Variants in SLC22A3 observed in about 807,000 individuals in gnomAD.
The protein encoded by SLC22A3 is EMT organic cation transporter 3.
A neutral mutation model predicts 59.1 loss-of-function variants in SLC22A3; 51 were observed. The observed-to-expected ratio is 0.86, with a 90% CI of 0.69 to 1.09. The LOEUF is 1.09. Among genes scored for constraint, SLC22A3 ranks in the 50% least tolerant of loss-of-function variants. SLC22A3 has a pLI of 0.00. For missense variants in SLC22A3, 711 were observed against 726.3 expected (o/e 0.98, Z 0.24); for synonymous variants, 325 against 292.0 (o/e 1.11, Z -1.15).
At chr6:160,376,605 G>T (rs1250464484) in intron 1 of SLC22A3, among the ~76,000 whole-genome samples, 1 of 152,160 alleles carries the variant, frequency 6.6e-6, no homozygotes, top group Non-Finnish European at 1.5e-5. Context: ...ATCTACCTGT[G>T]TATTTATTCA....
intron 5 of SLC22A3, among the ~76,000 whole-genome samples, chr6:160,431,019 A>G (rs1040996053): frequency 6.6e-6 from 1 of 152,250 alleles, no homozygotes; most frequent in Non-Finnish European, 1.5e-5. Flanking sequence ...GGTGGTGGTT[A>G]TAAGACTATA....
At chr6:160,379,588 C>T (rs749423683) in intron 1 of SLC22A3, among the ~76,000 whole-genome samples, 1 of 152,158 alleles carries the variant, frequency 6.6e-6, no homozygotes, top group Non-Finnish European at 1.5e-5. Flanking sequence ...CTTTTTAGTA[C>T]TTACCATTAT....
chr6:160,385,172 G>A (rs1210440969), intron 1 of SLC22A3, among the ~76,000 whole-genome samples: 1 of 152,182 alleles, frequency 6.6e-6, no homozygotes, highest in Non-Finnish European at 1.5e-5. Flanking sequence ...CAGGTTTTTA[G>A]TTACTTCTTG....
intron 1 of SLC22A3, among the ~76,000 whole-genome samples, chr6:160,352,986 A>G (rs1373886248): frequency 6.6e-6 from 1 of 152,028 alleles, no homozygotes; most frequent in Non-Finnish European, 1.5e-5. Flanking sequence ...GCGCCTGGCT[A>G]ATTTTTGTAT....
At chr6:160,367,839 C>T (rs561361123) in intron 1 of SLC22A3, among the ~76,000 whole-genome samples, 2 of 152,280 alleles carry the variant, frequency 1.3e-5, no homozygotes, top group African/African-American at 4.8e-5. Flanking sequence ...CAGCCTCATG[C>T]CATTCAGCTA....
intron 2 of SLC22A3, among the ~76,000 whole-genome samples, chr6:160,403,267 C>G (rs1358702286): frequency 6.6e-6 from 1 of 151,754 alleles, no homozygotes; most frequent in Non-Finnish European, 1.5e-5. Context: ...ATACTATGAA[C>G]ACTCTGTGTT....
Position 160,356,250 on chromosome 6 carries a change from C to A in SLC22A3, c.429+7402C>A, listed in dbSNP as rs552187258. Among the ~76,000 whole-genome samples, 4 of 152,268 alleles carry A rather than the reference C, an allele frequency of 2.6e-5. No individual in the cohort carries two copies. The South Asian group carries it at 6.2e-4, about 24-fold the overall frequency. On this transcript the variant is annotated intron_variant, in intron 1 of 10. Coordinates refer to ENST00000275300, the MANE Select transcript of SLC22A3 (RefSeq NM_021977.4). ...GAGGTGTGATCAGTCACAGGGTGAA[C>A]AATCATCGGCGGCCATGGCCGCCCG...
intron 9 of SLC22A3, 78 bp downstream of exon 9, chr6:160,443,820 T>C (rs1788642202): frequency 2.9e-6 from 2 of 698,064 alleles, no homozygotes; most frequent in Admixed American, 5.4e-5. Flanking sequence ...AATTGTTAGG[T>C]TCAATAATGA....
chr6:160,427,068 G>A (rs981785294), intron 5 of SLC22A3, among the ~76,000 whole-genome samples: 10 of 152,142 alleles, frequency 6.6e-5, no homozygotes, highest in African/African-American at 2.4e-4. Context: ...TCAAAGGGCA[G>A]TCAGGACTCT....
chr6:160,410,508 T>C (rs1399050974), intron 4 of SLC22A3, among the ~76,000 whole-genome samples: 2 of 152,226 alleles, frequency 1.3e-5, no homozygotes, highest in African/African-American at 4.8e-5. Flanking sequence ...GTCATGTTGA[T>C]TATTTTGATG....
intron 2 of SLC22A3, 55 bp from the exon 3 acceptor site, chr6:160,406,986 C>T: frequency 1.3e-6 from 2 of 1,578,950 alleles, no homozygotes; most frequent in Non-Finnish European, 1.7e-6. Context: ...TATATTTTCC[C>T]ATTGTGTTGA....
chr6:160,371,722 G>A (rs1029540906), intron 1 of SLC22A3, among the ~76,000 whole-genome samples: 4 of 152,038 alleles, frequency 2.6e-5, no homozygotes, highest in Non-Finnish European at 5.9e-5. Context: ...TGGGTCAAGT[G>A]GTATTTCTGG....
At chr6:160,440,450 G>A in intron 7 of SLC22A3, among the ~76,000 whole-genome samples, 1 of 152,100 alleles carries the variant, frequency 6.6e-6, no homozygotes, top group East Asian at 1.9e-4. Context: ...CTTTCTTCAG[G>A]AATTGAGGTA....
In SLC22A3 at chr6:160,398,101, G is replaced by A; in HGVS notation, c.533+19G>A. The A allele has an allele frequency of 2.0e-6, 3 of 1,511,046 alleles. No homozygotes were observed. The highest frequency in any genetic ancestry group is 2.3e-5 in the East Asian group (1 of 44,266). 93.6% of individuals were successfully genotyped at this position (1,511,046 alleles called of 1,614,324 possible). On this transcript the variant is annotated intron_variant, in intron 2 of 10. Coordinates refer to ENST00000275300, the MANE Select transcript of SLC22A3 (RefSeq NM_021977.4). ...CAGACAGGTAGGTACCAATGTGACA[G>A]CCATTTTATGTCACTATAATACCAT...
intron 4 of SLC22A3, among the ~76,000 whole-genome samples, 172 bp downstream of exon 4, chr6:160,409,093 C>T (rs1029057300): frequency 1.6e-5 from 2 of 127,968 alleles, no homozygotes; most frequent in African/African-American, 3.1e-5. Context: ...CATATGTATA[C>T]ATGTGCCACG....
intron 10 of SLC22A3, among the ~76,000 whole-genome samples, chr6:160,449,751 C>A (rs1464499159): frequency 2.6e-5 from 4 of 152,228 alleles, no homozygotes; most frequent in African/African-American, 7.2e-5. Context: ...AAGTGTTGGC[C>A]AGCTGAGAAA....
At chr6:160,351,859 G>A (rs143111620) in intron 1 of SLC22A3, among the ~76,000 whole-genome samples, 62 of 152,278 alleles carry the variant, frequency 4.1e-4, no homozygotes, top group African/African-American at 1.4e-3. Flanking sequence ...CATTTATGTA[G>A]CCAAACTGGA....
At chr6:160,420,067 C>A (rs940295491) in intron 5 of SLC22A3, among the ~76,000 whole-genome samples, 1 of 152,064 alleles carries the variant, frequency 6.6e-6, no homozygotes, top group Non-Finnish European at 1.5e-5. Flanking sequence ...ATGTCAAGAC[C>A]CCCAACTTCC....
At chr6:160,364,283 T>G (rs1785126890) in intron 1 of SLC22A3, among the ~76,000 whole-genome samples, 1 of 152,214 alleles carries the variant, frequency 6.6e-6, no homozygotes, top group South Asian at 2.1e-4. Context: ...AAAGACTGGC[T>G]GCATAGGGGC....
Sources: gnomAD v4.1 joint callset for allele counts (sites outside exome capture counted in the v4.1 genomes callset) on GRCh38, gnomAD v4.1.1 for gene constraint, MANE v1.5 for transcripts, NCBI Gene and HGNC (gene_info 2026-07-23, HGNC 2026-07-21) for gene names.